VSTM4: variants seen among roughly 807,000 people sequenced by gnomAD.
VSTM4 encodes the protein V-set and transmembrane domain containing 4, also known as V-set and transmembrane domain-containing protein 4.
A neutral mutation model predicts 36.4 loss-of-function variants in VSTM4; 20 were observed. The ratio of observed to expected loss-of-function variants is 0.55; its 90% CI spans 0.39 to 0.80. VSTM4 has a LOEUF of 0.80. VSTM4 is among the 30% of genes least tolerant of loss of function. The pLI is 0.00. For synonymous variants in VSTM4, 182 were observed against 173.9 expected (o/e 1.05, Z -0.37); for missense variants, 392 against 404.5 (o/e 0.97, Z 0.26).
At chr10:49,040,003 G>A (rs1843494797) in intron 7 of VSTM4, among the ~76,000 whole-genome samples, 2 of 152,304 alleles carry the variant, frequency 1.3e-5, no homozygotes, top group South Asian at 2.1e-4. Flanking sequence ...AAGCTTTGCT[G>A]CAGGGCATTT....
In VSTM4 at chr10:49,088,506, A is replaced by G. The variant is rs533076827; in HGVS notation, c.458-2483T>C. 2.6e-5 allele frequency among the ~76,000 whole-genome samples: 4 copies of G among 152,316 alleles called. No individual in the cohort carries two copies. The South Asian group carries it at 8.3e-4, about 32-fold the overall frequency. On this transcript the variant is annotated intron_variant, in intron 2 of 7. Transcript: ENST00000332853. ...ACACTTAAAATAAGAAACAGAGTGC[A>G]TGTGGTTATTGTGAGCCCTGAGATT...
intron 5 of VSTM4, among the ~76,000 whole-genome samples, chr10:49,051,390 C>CTTTT (rs796786621): frequency 1.3e-4 from 17 of 130,800 alleles, no homozygotes; most frequent in Non-Finnish European, 1.6e-4. Context: ...CAGCTCATTT[C>CTTTT]TTTTTTTTTT....
At chr10:49,048,406 A>G (rs1023205594) in intron 6 of VSTM4, 72 bp downstream of exon 6, 4 of 1,386,014 alleles carry the variant, frequency 2.9e-6, no homozygotes, top group African/African-American at 3.0e-5. Flanking sequence ...TCATAATCCA[A>G]CATGGAACCC....
intron 4 of VSTM4, among the ~76,000 whole-genome samples, chr10:49,069,261 C>A (rs1294462496): frequency 6.6e-6 from 1 of 152,186 alleles, no homozygotes; most frequent in Non-Finnish European, 1.5e-5. Context: ...ACCCACCTTA[C>A]CCCTATGCCC....
chr10:49,086,089 C>T, intron 2 of VSTM4, 66 bp from the exon 3 acceptor site: 1 of 1,021,770 alleles, frequency 9.8e-7, no homozygotes, highest in Non-Finnish European at 1.4e-6. Flanking sequence ...ATGGCACTTA[C>T]ATTTACAAAG....
chr10:49,098,627 C>G (rs1844614660), intron 2 of VSTM4, among the ~76,000 whole-genome samples: 2 of 152,238 alleles, frequency 1.3e-5, no homozygotes, highest in Admixed American at 1.3e-4. Context: ...CCCCAAAGCC[C>G]TGGCATGAGC....
intron 3 of VSTM4, among the ~76,000 whole-genome samples, chr10:49,082,304 C>T (rs570040220): frequency 6.0e-4 from 91 of 152,324 alleles, no homozygotes; most frequent in Middle Eastern, 3.4e-3. Context: ...TGAAGCCAGA[C>T]CTTTCAACAA....
Position 49,077,326 on chromosome 10 carries a change from T to C in VSTM4, c.527A>G (p.Asp176Gly). 6.2e-7 allele frequency: 1 copy of C among 1,614,078 alleles called. No individual in the cohort carries two copies. Among genetic ancestry groups the C allele is most frequent in the South Asian group, 1.1e-5 (1 of 91,078 alleles). Residue 176 changes from aspartate to glycine, a missense_variant and splice_region_variant, in exon 4 of 8, where the codon GAT becomes GGT. Asp to Gly is a moderately conservative substitution (Grantham distance 94). Transcript: ENST00000332853. ...KTKETWAFFE[D>G]LYVYAVLVCC... Reference sequence around the variant, plus strand: ...CACGAGGACAGCATACACATAGAGATCTGAAAGGCAAGGACAGACACGTGA... The same window carrying C: ...CACGAGGACAGCATACACATAGAGACCTGAAAGGCAAGGACAGACACGTGA...
intron 1 of VSTM4, among the ~76,000 whole-genome samples, chr10:49,111,268 G>A (rs989796767): frequency 1.7e-4 from 26 of 152,296 alleles, no homozygotes; most frequent in African/African-American, 5.3e-4. Flanking sequence ...GAGGTAGTCC[G>A]TTATCTTCCC....
intron 4 of VSTM4, among the ~76,000 whole-genome samples, chr10:49,075,596 G>A (rs922062911): frequency 6.6e-6 from 1 of 152,278 alleles, no homozygotes; most frequent in Non-Finnish European, 1.5e-5. Flanking sequence ...ACTGATGAGG[G>A]AGGTGGGTAT....
intron 5 of VSTM4, among the ~76,000 whole-genome samples, chr10:49,056,197 T>C (rs1342796898): frequency 1.3e-5 from 2 of 152,204 alleles, no homozygotes; most frequent in African/African-American, 4.8e-5. Flanking sequence ...CACAAGAAGC[T>C]CCTGCAGCCG....
At chr10:49,097,124 A>G (rs1274053198) in intron 2 of VSTM4, among the ~76,000 whole-genome samples, 2 of 152,114 alleles carry the variant, frequency 1.3e-5, no homozygotes, top group Admixed American at 1.3e-4. Flanking sequence ...ACCTGTCTCA[A>G]CGCTTTCCAC....
At chr10:49,101,640 T>C (rs937770059) in intron 2 of VSTM4, among the ~76,000 whole-genome samples, 1 of 152,228 alleles carries the variant, frequency 6.6e-6, no homozygotes, top group East Asian at 1.9e-4. Context: ...CATGCAATGA[T>C]GGTCAGAGTA....
intron 7 of VSTM4, among the ~76,000 whole-genome samples, chr10:49,032,800 T>C (rs570342161): frequency 1.3e-5 from 2 of 151,754 alleles, no homozygotes; most frequent in Non-Finnish European, 2.9e-5. Context: ...TCATCTAAAA[T>C]CTCCACATGG....
intron 5 of VSTM4, among the ~76,000 whole-genome samples, chr10:49,054,136 G>C (rs980945858): frequency 6.6e-6 from 1 of 152,176 alleles, no homozygotes; most frequent in African/African-American, 2.4e-5. Flanking sequence ...GGGGACATGG[G>C]ACTTGATCCA....
At chr10:49,056,675 C>T (rs1316447714) in intron 5 of VSTM4, among the ~76,000 whole-genome samples, 1 of 152,218 alleles carries the variant, frequency 6.6e-6, no homozygotes, top group Non-Finnish European at 1.5e-5. Context: ...AGCCACCACC[C>T]TGATGACCCT....
At chr10:49,105,411 A>C (rs915250203) in intron 2 of VSTM4, among the ~76,000 whole-genome samples, 10 of 151,864 alleles carry the variant, frequency 6.6e-5, no homozygotes, top group African/African-American at 2.4e-4. Flanking sequence ...GGAGAGGCAG[A>C]GAGAGAAAGA....
rs1844806631 is a variant in VSTM4 at position 49,107,617 on chromosome 10, C to T, written c.434G>A (p.Gly145Asp). The T allele has an allele frequency of 1.2e-6, 2 of 1,609,160 alleles. No individual in the cohort carries two copies. Among genetic ancestry groups the T allele is most frequent in the Non-Finnish European group, 1.7e-6 (2 of 1,176,152 alleles). ...HRNKWTAWSN[G>D]SSATEMRVIS... The stretch of plus-strand genomic sequence containing the variant: ...ACCTCTCATTTCCGTGGCTGAGGAG[C>T]CATTGGACCAGGCCGTCCACTTGTT... Residue 145 changes from glycine to aspartate, a missense_variant, in exon 2 of 8, where the codon GGC (glycine) becomes GAC (aspartate). By Grantham distance (94) the Gly-to-Asp change is moderately conservative (BLOSUM62 -1). Transcript: ENST00000332853.
chr10:49,025,932 C>T (rs2102686), intron 7 of VSTM4, among the ~76,000 whole-genome samples: 23,483 of 152,198 alleles, frequency 0.15, 2,017 homozygotes, highest in South Asian at 0.36. Flanking sequence ...TTTGTTGCCA[C>T]ATTTCATGCT....
Sources: gnomAD v4.1 joint callset for allele counts (sites outside exome capture counted in the v4.1 genomes callset) on GRCh38, gnomAD v4.1.1 for gene constraint, MANE v1.5 for transcripts, NCBI Gene and HGNC (gene_info 2026-07-23, HGNC 2026-07-21) for gene names.